Variants in DFFB observed in about 807,000 individuals in gnomAD.
DFFB encodes DNA fragmentation factor subunit beta, also known as DNA fragmentation factor 40 kDa subunit.
A neutral mutation model predicts 32.7 loss-of-function variants in DFFB; 29 were observed. The observed-to-expected ratio is 0.89, with a 90% CI of 0.66 to 1.21. The LOEUF is 1.21. DFFB is among the 50% of genes most tolerant of loss of function. The probability of loss-of-function intolerance (pLI) is 0.00; values close to 1 mark genes in which losing one functional copy is unlikely to be tolerated. For synonymous variants in DFFB, 170 were observed against 177.1 expected (o/e 0.96, Z 0.32); for missense variants, 398 against 440.6 (o/e 0.90, Z 0.87).
chr1:3,874,297 C>T (rs1645178973), intron 6 of DFFB, among the ~76,000 whole-genome samples: 1 of 134,602 alleles, frequency 7.4e-6, no homozygotes, highest in Non-Finnish European at 1.6e-5. Context: ...GCACCTTTAC[C>T]ACACGCGTGT....
In DFFB at chr1:3,858,769, A is replaced by G; in HGVS notation, c.166A>G (p.Thr56Ala). 5 of 1,614,142 alleles carry G rather than the reference A, an allele frequency of 3.1e-6. No individual in the cohort carries two copies. The highest frequency in any genetic ancestry group is 4.2e-6 in the Non-Finnish European group (5 of 1,180,046). Residue 56 changes from threonine (T) to alanine (A), a missense_variant, in exon 2 of 7, where the codon ACG (threonine) becomes GCG (alanine). By Grantham distance (58) the Thr-to-Ala change is moderately conservative. Transcript: ENST00000378209. The stretch of plus-strand genomic sequence containing the variant: ...CCTGTACGAGGATGGCACGGAGCTG[A>G]CGGAAGATTACTTCCCCAGTGTTCC... ...LCLYEDGTELTEDYFPSVPDN... is the reference protein window; with the variant it reads ...LCLYEDGTELAEDYFPSVPDN...
chr1:3,883,225 G>A (rs186102949), intron 6 of DFFB, among the ~76,000 whole-genome samples: 70 of 152,206 alleles, frequency 4.6e-4, no homozygotes, highest in African/African-American at 1.5e-3. Flanking sequence ...AGCTGGTCTC[G>A]AACTCCCAAC....
At chr1:3,867,148 G>A (rs1645000677) in intron 3 of DFFB, among the ~76,000 whole-genome samples, 2 of 152,016 alleles carry the variant, frequency 1.3e-5, no homozygotes, top group African/African-American at 2.4e-5. Flanking sequence ...CGCCCGCCTC[G>A]GCCTCCCAAA....
chr1:3,879,681 G>A (rs561999215), intron 6 of DFFB, among the ~76,000 whole-genome samples: 1 of 152,216 alleles, frequency 6.6e-6, no homozygotes, highest in South Asian at 2.1e-4. Flanking sequence ...TCAGTCTGTG[G>A]TATTTTCCTC....
intron 2 of DFFB, among the ~76,000 whole-genome samples, chr1:3,860,921 G>A (rs1424232050): frequency 1.3e-5 from 2 of 152,150 alleles, no homozygotes; most frequent in Non-Finnish European, 1.5e-5. Context: ...TTGGGAGGCC[G>A]AGGTGGGTGG....
chr1:3,882,958 C>T (rs1466818657), intron 6 of DFFB, among the ~76,000 whole-genome samples: 18 of 150,342 alleles, frequency 1.2e-4, no homozygotes, highest in Admixed American at 1.2e-3. Context: ...GGTTGACCCC[C>T]TTTATTTTCT....
At chr1:3,883,386 C>T (rs995154345) in intron 6 of DFFB, 121 bp from the exon 7 acceptor site, 35 of 893,402 alleles carry the variant, frequency 3.9e-5, no homozygotes, top group Middle Eastern at 6.9e-4. Flanking sequence ...TAGGTGCGGC[C>T]GTGTGTCCGT....
intron 6 of DFFB, chr1:3,872,881 G>T: frequency 8.1e-7 from 1 of 1,228,790 alleles, no homozygotes; most frequent in Non-Finnish European, 1.0e-6. Context: ...TCCTTCCCCA[G>T]AACACAGGTC....
At position 3,872,631 on chromosome 1, in the gene DFFB, T is replaced by TGTCCCTGCCAC. The variant is rs1252988304; in HGVS notation, c.782+60_782+61insTCCCTGCCACG. The TGTCCCTGCCAC allele has an allele frequency of 3.2e-3, 4,503 of 1,397,870 alleles. 123 individuals are homozygous for TGTCCCTGCCAC. The African/African-American group carries it at 0.048, about 15-fold the overall frequency. The allele number at this position is 1,397,870 out of a possible 1,614,324, so 86.6% of individuals were successfully genotyped here. On this transcript the variant is annotated intron_variant, in intron 6 of 6. Coordinates refer to ENST00000378209, the MANE Select transcript of DFFB (RefSeq NM_004402.4). ...TGCCTGCAGGGCCCTGTCCCTGCCG[T>TGTCCCTGCCAC]GGCCCTGTCCCTGCCATGGCCCTGT... is the stretch of plus-strand genomic sequence containing the variant.
At chr1:3,862,508 A>T (rs985262014) in intron 2 of DFFB, among the ~76,000 whole-genome samples, 5 of 152,262 alleles carry the variant, frequency 3.3e-5, no homozygotes, top group African/African-American at 1.2e-4. Flanking sequence ...TGGTACAAGG[A>T]CAGATATATA....
At chr1:3,872,645 C>CCGCGGCCCTGTCCCTGT in intron 6 of DFFB, 73 bp downstream of exon 6, 2 of 1,350,062 alleles carry the variant, frequency 1.5e-6, no homozygotes, top group Non-Finnish European at 2.1e-6. Context: ...CCTGTCCCTG[C>CCGCGGCCCTGTCCCTGT]CATGGCCCTG....
At chr1:3,873,767 C>T (rs1645166208) in intron 6 of DFFB, among the ~76,000 whole-genome samples, 1 of 152,156 alleles carries the variant, frequency 6.6e-6, no homozygotes. Context: ...GTGTGAGCCA[C>T]TGCATCCGGC....
intron 6 of DFFB, among the ~76,000 whole-genome samples, chr1:3,881,836 C>T (rs12084944): frequency 0.46 from 69,009 of 151,064 alleles, 16,503 homozygotes; most frequent in Non-Finnish European, 0.55. Context: ...TGCCACTGCA[C>T]TCCAGCCTGG....
At chr1:3,875,047 G>A (rs1048689710) in intron 6 of DFFB, among the ~76,000 whole-genome samples, 9 of 152,250 alleles carry the variant, frequency 5.9e-5, no homozygotes, top group Non-Finnish European at 8.8e-5. Context: ...CCACGCTGTC[G>A]TGTGCAGTGT....
intron 6 of DFFB, among the ~76,000 whole-genome samples, chr1:3,878,113 C>T (rs72848496): frequency 0.04 from 6,120 of 151,634 alleles, 418 homozygotes; most frequent in African/African-American, 0.14. Flanking sequence ...GTGTGTGGGA[C>T]GTGGGACAGA....
At position 3,865,073 on chromosome 1, in the gene DFFB, A is replaced by ATT. The variant is rs70940334; in HGVS notation, c.242-729_242-728dup. Among the ~76,000 whole-genome samples the ATT allele has an allele frequency of 1.2e-3, 182 of 149,188 alleles. No individual in the cohort carries two copies. The highest frequency in any genetic ancestry group is 4.3e-3 in the African/African-American group (176 of 40,790). On this transcript the variant is annotated intron_variant, in intron 2 of 6. Coordinates refer to ENST00000378209, the MANE Select transcript of DFFB (RefSeq NM_004402.4). This position sits in a 1 kb window ranked among gnomAD's most constrained non-coding sequence, Gnocchi z 4.7. ...TGTGGCTTTTCATTCTCTTAAGAGC[A>ATT]TTTTTTTTTTTGCGGAGTAAGAGTT...
chr1:3,874,332 G>C (rs1392050502), intron 6 of DFFB, among the ~76,000 whole-genome samples: 4 of 43,014 alleles, frequency 9.3e-5, no homozygotes, highest in Non-Finnish European at 1.3e-4. Flanking sequence ...CATACGTGGT[G>C]GCCCACGCTG....
rs1490006868 is a variant in DFFB, at chr1:3,865,243, C to G, written c.242-569C>G. Among the ~76,000 whole-genome samples the G allele has an allele frequency of 6.6e-6, 1 of 152,184 alleles. No individual in the cohort carries two copies. The highest frequency in any genetic ancestry group is 1.5e-5 in the Non-Finnish European group (1 of 68,048). ...CCACTGATGTGATCGTGAGGCTTTT[C>G]TCATATGGTGGATCGCACTGATCGA... On this transcript the variant is annotated intron_variant, in intron 2 of 6. Transcript: ENST00000378209. This position sits in a 1 kb window ranked among gnomAD's most constrained non-coding sequence, Gnocchi z 4.7.
At position 3,865,949 on chromosome 1, in the gene DFFB, A is replaced by G. The variant is rs1159042408; in HGVS notation, c.379A>G (p.Ser127Gly). 2 of 1,603,212 alleles carry G rather than the reference A, an allele frequency of 1.2e-6. No individual in the cohort carries two copies. Among genetic ancestry groups the G allele is most frequent in the South Asian group, 2.2e-5 (2 of 90,370 alleles). ...RLLADLLHNV[S>G]QNIAAETRAE... ...GCTGGCTGACCTCCTGCACAACGTCAGCCAGAACATCGCGGCCGAGACCCG... is the reference window on the plus strand; with the variant it reads ...GCTGGCTGACCTCCTGCACAACGTCGGCCAGAACATCGCGGCCGAGACCCG... Residue 127 changes from serine to glycine, a missense_variant, in exon 3 of 7, where the codon AGC (serine) becomes GGC (glycine). Ser to Gly is a moderately conservative substitution (Grantham distance 56). Coordinates refer to ENST00000378209, the MANE Select transcript of DFFB (RefSeq NM_004402.4). This position sits in a 1 kb window ranked among gnomAD's most constrained non-coding sequence, Gnocchi z 4.7.
Sources: gnomAD v4.1 joint callset for allele counts (sites outside exome capture counted in the v4.1 genomes callset) on GRCh38, gnomAD v4.1.1 for gene constraint, Gnocchi (gnomAD v3.1) non-coding constraint, MANE v1.5 for transcripts, NCBI Gene and HGNC (gene_info 2026-07-23, HGNC 2026-07-21) for gene names.